Variants in GGA1 observed in about 807,000 individuals in gnomAD.
GGA1 encodes ADP-ribosylation factor-binding protein GGA1.
Under a neutral mutation model 76.9 loss-of-function variants are expected in GGA1, and 18 were observed. The observed-to-expected ratio is 0.23, with a 90% CI of 0.16 to 0.35. The LOEUF is 0.35. Ranked by LOEUF, GGA1 falls within the 10% of genes least tolerant of loss-of-function variation. The probability of loss-of-function intolerance (pLI) is 1.00; values close to 1 mark genes in which losing one functional copy is unlikely to be tolerated. For synonymous variants in GGA1, 342 were observed against 354.7 expected, an observed-to-expected ratio of 0.96 and a Z score of 0.40; for missense variants, 755 against 859.0, an observed-to-expected ratio of 0.88 and a Z score of 1.51.
rs980906436 is a variant in GGA1 at position 37,632,321 on chromosome 22, G to A, written c.1699-84G>A. On this transcript the variant is annotated intron_variant, in intron 15 of 16. Transcript: ENST00000343632. The surrounding 1 kb of genome is among the most constrained non-coding windows in gnomAD (Gnocchi z 5.1). ...AGGACTGAGCCCCAGGATCCCCGGA[G>A]GGGAGCTGGCAGGCTGGGCCTGGTT... The A allele has an allele frequency of 3.7e-6, 5 of 1,333,536 alleles. No individual in the cohort carries two copies. In the African/African-American group the frequency reaches 5.8e-5, roughly 15 times the overall value. 82.6% of individuals were successfully genotyped at this position (1,333,536 alleles called of 1,614,324 possible).
intron 3 of GGA1, 185 bp downstream of exon 3, chr22:37,617,182 C>G: frequency 6.9e-7 from 1 of 1,457,962 alleles, no homozygotes; most frequent in Non-Finnish European, 9.0e-7. Context: ...GCCTCCCACC[C>G]CAGCATCCAT....
intron 1 of GGA1, among the ~76,000 whole-genome samples, chr22:37,611,425 G>T (rs983975002): frequency 1.3e-5 from 2 of 152,138 alleles, no homozygotes; most frequent in East Asian, 3.9e-4. Context: ...GCTTTGCTCT[G>T]TAACATTTTG....
At chr22:37,626,221 G>GA in intron 11 of GGA1, 1 of 338,058 alleles carries the variant, frequency 3.0e-6, no homozygotes, top group Non-Finnish European at 5.3e-6. Context: ...AGCCTGGGGG[G>GA]AAACCAGGGG....
chr22:37,615,404 G>A (rs1317738029), intron 2 of GGA1, among the ~76,000 whole-genome samples: 4 of 151,804 alleles, frequency 2.6e-5, no homozygotes, highest in East Asian at 1.9e-4. Context: ...AGCCAAGATC[G>A]TGCCATTGCA....
At chr22:37,620,444 G>A in intron 5 of GGA1, 83 bp downstream of exon 5, 6 of 1,469,964 alleles carry the variant, frequency 4.1e-6, no homozygotes, top group Non-Finnish European at 3.8e-6. Context: ...GGCTTCAGGG[G>A]CTTCTGAGCC....
chr22:37,612,898 G>C (rs1340360655), intron 1 of GGA1: 2 of 984,468 alleles, frequency 2.0e-6, no homozygotes, highest in African/African-American at 1.7e-5. Flanking sequence ...CTGTCTGGTC[G>C]TGTTTACACC....
chr22:37,617,363 TGCAC>T, intron 3 of GGA1: 5 of 1,137,062 alleles, frequency 4.4e-6, no homozygotes, highest in Non-Finnish European at 5.4e-6. Context: ...TCCAGAGATC[TGCAC>T]GTTTGTAAAG....
chr22:37,614,631 G>A (rs1928400629), intron 2 of GGA1, among the ~76,000 whole-genome samples: 1 of 152,234 alleles, frequency 6.6e-6, no homozygotes, highest in African/African-American at 2.4e-5. Flanking sequence ...CAATTGGGAG[G>A]AGGCCAGTAG....
chr22:37,620,757 C>T (rs1469770788), intron 5 of GGA1, 56 bp from the exon 6 acceptor site: 4 of 1,077,686 alleles, frequency 3.7e-6, no homozygotes, highest in African/African-American at 1.5e-5. Flanking sequence ...CCCATGTCAC[C>T]CCTACCCCTG....
chr22:37,624,793 G>A lies in GGA1; in HGVS notation c.833-176G>A. 2.5e-6 allele frequency: 2 copies of A among 799,884 alleles called. No individual in the cohort carries two copies. Among genetic ancestry groups the A allele is most frequent in the Non-Finnish European group, 3.9e-6 (2 of 517,900 alleles). The allele number at this position is 799,884 out of a possible 1,614,324, so 49.5% of individuals were successfully genotyped here. ...GGGAGTGAATGAGGGAAGGGTGGGA[G>A]GTGAGACCAGGGAGGTGGCGGAGGG... On this transcript the variant is annotated intron_variant, in intron 9 of 16. Coordinates refer to ENST00000343632, the MANE Select transcript of GGA1 (RefSeq NM_013365.5). The surrounding 1 kb of genome is among the most constrained non-coding windows in gnomAD (Gnocchi z 4.3).
rs113831698 is a variant in GGA1 at position 37,624,714 on chromosome 22, G to A, written c.833-255G>A. 9.9e-4 allele frequency: 431 copies of A among 434,828 alleles called. 4 individuals are homozygous for A. Among genetic ancestry groups the A allele is most frequent in the East Asian group, 9.9e-3 (222 of 22,502 alleles). The allele number at this position is 434,828 out of a possible 1,614,324, so 26.9% of individuals were successfully genotyped here. A position where few individuals can be genotyped will look rare whatever the true frequency, so the allele number is the denominator to read the frequency against. ...AGCCAGAGAGCAGAGCTGGAGTGGA[G>A]GCCTGGAGGCGGGAGCGGGCCCAGT... On this transcript the variant is annotated intron_variant, in intron 9 of 16. Coordinates refer to ENST00000343632, the MANE Select transcript of GGA1 (RefSeq NM_013365.5). This position sits in a 1 kb window ranked among gnomAD's most constrained non-coding sequence, Gnocchi z 4.3.
chr22:37,620,964 C>T (rs768525036), intron 6 of GGA1, 51 bp downstream of exon 6: 53 of 1,130,870 alleles, frequency 4.7e-5, no homozygotes, highest in Middle Eastern at 1.9e-4. Flanking sequence ...GGTGGGGGTC[C>T]GTGGGTTCTG....
Position 37,632,233 on chromosome 22 carries a change from GA to G in GGA1, c.1698+69del, listed in dbSNP as rs1019197283. 15 of 1,499,590 alleles carry G rather than the reference GA, an allele frequency of 1.0e-5. No individual in the cohort carries two copies. The highest frequency in any genetic ancestry group is 1.4e-5 in the Non-Finnish European group (15 of 1,089,322). The allele number at this position is 1,499,590 out of a possible 1,614,324, so 92.9% of individuals were successfully genotyped here. A position where few individuals can be genotyped will look rare whatever the true frequency, so the allele number is the denominator to read the frequency against. On this transcript the variant is annotated intron_variant, in intron 15 of 16. Coordinates refer to ENST00000343632, the MANE Select transcript of GGA1 (RefSeq NM_013365.5). This position sits in a 1 kb window ranked among gnomAD's most constrained non-coding sequence, Gnocchi z 5.1. ...GCAGGGTGACATGGAGCTGGGTGGG[GA>G]GCCACCTGTCAGGGGGCAGGTCTCC... is the stretch of plus-strand genomic sequence containing the variant.
Position 37,625,423 on chromosome 22 carries a change from C to T in GGA1, c.940+347C>T, listed in dbSNP as rs1601544020. 6.6e-6 allele frequency among the ~76,000 whole-genome samples: 1 copy of T among 152,130 alleles called. No homozygotes were observed. Among genetic ancestry groups the T allele is most frequent in the African/African-American group, 2.4e-5 (1 of 41,422 alleles). ...AGGGGGGTTAGAAAAGTAAACATTA[C>T]AGACTCAGGTCTAATAAGGGTAAGA... is the stretch of plus-strand genomic sequence containing the variant. On this transcript the variant is annotated intron_variant, in intron 10 of 16. Coordinates refer to ENST00000343632, the MANE Select transcript of GGA1 (RefSeq NM_013365.5). This position sits in a 1 kb window ranked among gnomAD's most constrained non-coding sequence, Gnocchi z 4.1.
intron 11 of GGA1, among the ~76,000 whole-genome samples, chr22:37,629,017 G>T (rs1931323215): frequency 6.6e-6 from 1 of 152,200 alleles, no homozygotes; most frequent in Non-Finnish European, 1.5e-5. Flanking sequence ...GGACACTGTG[G>T]CTCAGCCAGC....
In GGA1 at chr22:37,631,021, C is replaced by T. The variant is rs1931716184; in HGVS notation, c.1450C>T (p.Pro484Ser). The T allele has an allele frequency of 6.2e-7, 1 of 1,613,382 alleles. No individual in the cohort carries two copies. The highest frequency in any genetic ancestry group is 1.1e-5 in the South Asian group (1 of 91,042). Residue 484 changes from proline (P) to serine (S), a missense_variant, in exon 14 of 17, where the codon CCC (proline) becomes TCC (serine). Physicochemically the swap from Pro to Ser is moderately conservative, Grantham distance 74. Coordinates refer to ENST00000343632, the MANE Select transcript of GGA1 (RefSeq NM_013365.5). ...TCTCCACACCGTGTCCCCAGAGCCC[C>T]CCAGGCCTCCGCAGCAGCCCGTACC... is the stretch of plus-strand genomic sequence containing the variant. ...SLLHTVSPEP[P>S]RPPQQPVPTE...
intron 12 of GGA1, 147 bp from the exon 13 acceptor site, chr22:37,629,851 A>G: frequency 1.6e-6 from 1 of 642,378 alleles, no homozygotes; most frequent in Non-Finnish European, 2.7e-6. Context: ...ACCCTGCATC[A>G]TGGACATGGG....
intron 3 of GGA1, chr22:37,617,969 A>T (rs1319570804): frequency 1.3e-5 from 2 of 154,516 alleles, no homozygotes; most frequent in Admixed American, 6.6e-5. Flanking sequence ...TAAAAATAAA[A>T]AATTAGCGAG....
At chr22:37,630,523 C>T (rs896496897) in intron 13 of GGA1, 63 of 436,830 alleles carry the variant, frequency 1.4e-4, no homozygotes, top group African/African-American at 2.3e-4. Flanking sequence ...GATAGCCACA[C>T]GTGCCAGCCT....
Sources: allele counts gnomAD v4.1 joint callset (sites outside exome capture counted in the v4.1 genomes callset), GRCh38; gene constraint gnomAD v4.1.1; non-coding constraint Gnocchi (gnomAD v3.1); transcripts MANE v1.5; gene names NCBI Gene and HGNC (gene_info 2026-07-23, HGNC 2026-07-21).